Variants in AMPH observed in about 807,000 individuals in gnomAD.
AMPH encodes amphiphysin.
In AMPH, 49 loss-of-function variants were observed where a neutral mutation model predicts 99.1. The ratio of observed to expected loss-of-function variants is 0.49; its 90% CI spans 0.39 to 0.63. AMPH has a LOEUF of 0.63. Among genes scored for constraint, AMPH ranks in the 20% least tolerant of loss-of-function variants. The probability of loss-of-function intolerance (pLI) is 0.00; values close to 1 mark genes in which losing one functional copy is unlikely to be tolerated. For missense variants in AMPH, 759 were observed against 863.4 expected (o/e 0.88, Z 1.52); for synonymous variants, 314 against 317.3 (o/e 0.99, Z 0.11).
chr7:38,507,027 A>G (rs1352195409), intron 2 of AMPH, among the ~76,000 whole-genome samples: 1 of 152,210 alleles, frequency 6.6e-6, no homozygotes, highest in East Asian at 1.9e-4. Context: ...ATCCAGAAAT[A>G]GCAAAAAAGT....
intron 14 of AMPH, chr7:38,429,151 T>C (rs1460898821): frequency 7.8e-7 from 1 of 1,290,076 alleles, no homozygotes; most frequent in Non-Finnish European, 1.0e-6. Context: ...TGACTTTCTT[T>C]GAACAGGCCA....
intron 1 of AMPH, among the ~76,000 whole-genome samples, chr7:38,616,843 A>G (rs1381802495): frequency 6.6e-6 from 1 of 152,156 alleles, no homozygotes; most frequent in Non-Finnish European, 1.5e-5. Flanking sequence ...GTAGGAAGTG[A>G]GCAGAGGAGA....
chr7:38,488,521 G>T (rs564021008), intron 5 of AMPH, among the ~76,000 whole-genome samples: 1 of 151,488 alleles, frequency 6.6e-6, no homozygotes, highest in African/African-American at 2.4e-5. Context: ...GGCCTGTCGG[G>T]GGGTGGGGGG....
chr7:38,535,048 A>T (rs1207439291), intron 1 of AMPH, 37 bp from the exon 2 acceptor site: 2 of 1,565,144 alleles, frequency 1.3e-6, no homozygotes, highest in African/African-American at 2.7e-5. Context: ...TTAATTTAAT[A>T]ATGTTTTCAA....
chr7:38,439,591 C>T (rs1007542792), intron 11 of AMPH, among the ~76,000 whole-genome samples: 1 of 152,134 alleles, frequency 6.6e-6, no homozygotes, highest in African/African-American at 2.4e-5. Flanking sequence ...TCCTGTACAC[C>T]TTCATCACAA....
At chr7:38,618,685 T>TC (rs1220857062) in intron 1 of AMPH, among the ~76,000 whole-genome samples, 1 of 152,158 alleles carries the variant, frequency 6.6e-6, no homozygotes, top group Non-Finnish European at 1.5e-5. Flanking sequence ...TGACCTCTAT[T>TC]GTGACAAATG....
At chr7:38,593,947 G>A (rs1262638346) in intron 1 of AMPH, among the ~76,000 whole-genome samples, 1 of 152,184 alleles carries the variant, frequency 6.6e-6, no homozygotes, top group African/African-American at 2.4e-5. Context: ...GGTGATGAGG[G>A]CCTGTAGGAC....
At chr7:38,626,743 T>C (rs1478713538) in intron 1 of AMPH, among the ~76,000 whole-genome samples, 1 of 152,044 alleles carries the variant, frequency 6.6e-6, no homozygotes, top group Non-Finnish European at 1.5e-5. Flanking sequence ...GAAACTATCA[T>C]CAGAGTGGGA....
In AMPH at chr7:38,384,845, T is replaced by C; in HGVS notation, c.2061A>G (p.Pro687=). ...RDLATYKGLF[P]ENFTRRLD ...AATCTAAGCGTCGGGTGAAGTTCTC[T>C]GGAAAGAGGCCTTTGTAGGTGGCAA... Residue 687 remains proline (P), a synonymous_variant, in exon 21 of 21, where the codon CCA becomes CCG. Transcript: ENST00000356264. 3.1e-6 allele frequency: 5 copies of C among 1,614,084 alleles called. No individual in the cohort carries two copies. In the South Asian group the frequency reaches 4.4e-5, roughly 14 times the overall value.
In AMPH at chr7:38,445,000, T is replaced by C. The variant is rs199638687; in HGVS notation, c.1018-8612A>G. On this transcript the variant is annotated intron_variant, in intron 11 of 20. Coordinates refer to ENST00000356264, the MANE Select transcript of AMPH (RefSeq NM_001635.4). ...ATATCCATATATATACATATATATA[T>C]ATATATATATACACACACACACACG... Among the ~76,000 whole-genome samples, 83 of 84,178 alleles carry C rather than the reference T, an allele frequency of 9.9e-4. 2 individuals are homozygous for C. Among genetic ancestry groups the C allele is most frequent in the African/African-American group, 4.3e-3 (83 of 19,094 alleles). The allele number at this position is 84,178 out of a possible 152,430, so 55.2% of individuals were successfully genotyped here. A position where few individuals can be genotyped will look rare whatever the true frequency, so the allele number is the denominator to read the frequency against.
chr7:38,440,072 C>A (rs1324364517), intron 11 of AMPH, among the ~76,000 whole-genome samples: 1 of 152,066 alleles, frequency 6.6e-6, no homozygotes, highest in Non-Finnish European at 1.5e-5. Context: ...AAAAGTAGAG[C>A]CTTGCATAGC....
intron 1 of AMPH, among the ~76,000 whole-genome samples, chr7:38,628,934 A>C (rs1229567927): frequency 6.6e-6 from 1 of 152,266 alleles, no homozygotes; most frequent in Non-Finnish European, 1.5e-5. Flanking sequence ...TGGAGCCTAA[A>C]CATATGCAAG....
At chr7:38,623,530 G>A (rs1260728591) in intron 1 of AMPH, among the ~76,000 whole-genome samples, 1 of 152,098 alleles carries the variant, frequency 6.6e-6, no homozygotes, top group Non-Finnish European at 1.5e-5. Context: ...GGAAAAGAAG[G>A]CATAAGCTTT....
At chr7:38,555,196 G>T (rs1325231692) in intron 1 of AMPH, among the ~76,000 whole-genome samples, 1 of 151,422 alleles carries the variant, frequency 6.6e-6, no homozygotes, top group African/African-American at 2.4e-5. Context: ...CTTGAGGCCA[G>T]GTATTCAAGA....
chr7:38,602,885 A>C (rs1048363840), intron 1 of AMPH, among the ~76,000 whole-genome samples: 3 of 152,138 alleles, frequency 2.0e-5, no homozygotes, highest in African/African-American at 4.8e-5. Flanking sequence ...CCAAATTAAG[A>C]CACATTCTCC....
rs569147708 is a variant in AMPH, at chr7:38,557,761, TA to T, written c.70-22751del. 3.8e-4 allele frequency among the ~76,000 whole-genome samples: 57 copies of T among 151,960 alleles called. 1 individual carries two copies. The East Asian group carries it at 9.5e-3, about 25-fold the overall frequency. Reference sequence around the variant, plus strand: ...TTTATATTCTCTTGTGAGAGACAGTTAAAAAAAATTGAATAAAATAATTTTA... The same window carrying T: ...TTTATATTCTCTTGTGAGAGACAGTTAAAAAAATTGAATAAAATAATTTTA... On this transcript the variant is annotated intron_variant, in intron 1 of 20. Coordinates refer to ENST00000356264, the MANE Select transcript of AMPH (RefSeq NM_001635.4).
intron 11 of AMPH, among the ~76,000 whole-genome samples, chr7:38,454,417 A>G (rs751020779): frequency 1.3e-5 from 2 of 152,154 alleles, no homozygotes; most frequent in Non-Finnish European, 2.9e-5. Context: ...CCCTGAGAAC[A>G]CTGAGAAGAA....
chr7:38,505,857 T>A (rs10233620), intron 2 of AMPH, among the ~76,000 whole-genome samples: 148,533 of 152,180 alleles, frequency 0.98, 72,503 homozygotes, highest in East Asian at 1. Context: ...AGTACATAAA[T>A]AGTGGAAAAA....
intron 2 of AMPH, among the ~76,000 whole-genome samples, chr7:38,510,138 G>A (rs535465392): frequency 6.6e-6 from 1 of 152,250 alleles, no homozygotes; most frequent in South Asian, 2.1e-4. Context: ...GAGGCTGAAA[G>A]TCCAAGATCA....
Sources: allele counts gnomAD v4.1 joint callset (sites outside exome capture counted in the v4.1 genomes callset), GRCh38; gene constraint gnomAD v4.1.1; transcripts MANE v1.5; gene names NCBI Gene and HGNC (gene_info 2026-07-23, HGNC 2026-07-21).